Variants in OR9Q1 observed in about 807,000 individuals in gnomAD.
The protein encoded by OR9Q1 is olfactory receptor 9Q1.
For missense variants in OR9Q1, 374 were observed against 378.8 expected (o/e 0.99, Z 0.11); for synonymous variants, 153 against 148.6 (o/e 1.03, Z -0.22).
intron 2 of OR9Q1, among the ~76,000 whole-genome samples, chr11:58,159,573 A>G (rs995097423): frequency 2.6e-5 from 4 of 152,202 alleles, no homozygotes; most frequent in Non-Finnish European, 5.9e-5. Context: ...CAATTCAGGG[A>G]CTTTGAATTT....
chr11:58,026,884 ATTATT>A (rs1266266531), intron 1 of OR9Q1: 1 of 152,152 alleles, frequency 6.6e-6, no homozygotes, highest in African/African-American at 2.4e-5. Flanking sequence ...ACATTTAAAA[ATTATT>A]TTATTCTTTT....
chr11:58,042,431 G>A (rs1453548429), intron 1 of OR9Q1, among the ~76,000 whole-genome samples: 1 of 151,762 alleles, frequency 6.6e-6, no homozygotes, highest in Non-Finnish European at 1.5e-5. Flanking sequence ...GTTTTTCTCA[G>A]GTTTGTCAAA....
chr11:58,064,191 C>T (rs1853407260), intron 2 of OR9Q1, among the ~76,000 whole-genome samples: 3 of 152,152 alleles, frequency 2.0e-5, no homozygotes, highest in Admixed American at 1.3e-4. Context: ...CACCAACATG[C>T]GCATACACTG....
At chr11:58,119,416 G>T in intron 2 of OR9Q1, 1 of 1,611,658 alleles carries the variant, frequency 6.2e-7, no homozygotes, top group East Asian at 2.2e-5. Context: ...AATGAATTCG[G>T]TTACTCTGGT....
At chr11:58,126,171 A>G (rs892043890) in intron 2 of OR9Q1, among the ~76,000 whole-genome samples, 1 of 151,342 alleles carries the variant, frequency 6.6e-6, no homozygotes, top group African/African-American at 2.4e-5. Context: ...CTCTCTAACC[A>G]CTCCAGCTCT....
intron 2 of OR9Q1, among the ~76,000 whole-genome samples, chr11:58,139,283 G>GT (rs11350123): frequency 0.19 from 27,420 of 147,790 alleles, 2,637 homozygotes; most frequent in African/African-American, 0.21. Flanking sequence ...ATGTGCAGCT[G>GT]TTTTTTTTTT....
rs141892648 is a variant in OR9Q1 at position 58,027,458 on chromosome 11, C to T, written c.-93+3354C>T. On this transcript the variant is annotated intron_variant, in intron 1 of 2. Transcript: ENST00000335397. ...GACCATGAGCTAAGAAAGGGTTTTA[C>T]GTTTTAAAGAGTTGCAAAAACAAAC... 3.4e-3 allele frequency among the ~76,000 whole-genome samples: 518 copies of T among 152,236 alleles called. 2 individuals carry two copies. Among genetic ancestry groups the T allele is most frequent in the Non-Finnish European group, 3.4e-3 (233 of 68,016 alleles).
At chr11:58,090,179 C>T (rs909403764) in intron 2 of OR9Q1, among the ~76,000 whole-genome samples, 1 of 152,130 alleles carries the variant, frequency 6.6e-6, no homozygotes, top group African/African-American at 2.4e-5. Flanking sequence ...ACTTTCAATA[C>T]TATGTTGAAT....
chr11:58,148,865 G>A (rs1006756713), intron 2 of OR9Q1, among the ~76,000 whole-genome samples: 2 of 152,178 alleles, frequency 1.3e-5, no homozygotes, highest in Admixed American at 6.6e-5. Context: ...GCGGATCTGC[G>A]AAGTTGCTTG....
At position 58,030,303 on chromosome 11, in the gene OR9Q1, C is replaced by T. The variant is rs188689605; in HGVS notation, c.-93+6199C>T. Among the ~76,000 whole-genome samples, 247 of 152,258 alleles carry T rather than the reference C, an allele frequency of 1.6e-3. 2 individuals carry two copies. Among genetic ancestry groups the T allele is most frequent in the African/African-American group, 5.7e-3 (236 of 41,546 alleles). ...TTGGTTGCTAGCCCTTCATGGTGTC[C>T]CAGCCTACTCCTCAGGCTCAGAAAC... On this transcript the variant is annotated intron_variant, in intron 1 of 2. Transcript: ENST00000335397.
intron 1 of OR9Q1, among the ~76,000 whole-genome samples, chr11:58,032,146 T>C (rs759663916): frequency 1.4e-4 from 22 of 152,092 alleles, no homozygotes; most frequent in Non-Finnish European, 2.8e-4. Flanking sequence ...TGCTCACAGA[T>C]TGGAAGAATC....
chr11:58,083,891 G>C (rs1590579238), intron 2 of OR9Q1, among the ~76,000 whole-genome samples: 2 of 151,912 alleles, frequency 1.3e-5, no homozygotes, highest in South Asian at 4.1e-4. Context: ...GTTGGGTAGT[G>C]TTATGTCTCC....
chr11:58,092,507 A>G (rs1432381481), intron 2 of OR9Q1, among the ~76,000 whole-genome samples: 1 of 152,098 alleles, frequency 6.6e-6, no homozygotes, highest in East Asian at 1.9e-4. Flanking sequence ...CAACTATTTT[A>G]TTTTAATTCA....
At position 58,065,141 on chromosome 11, in the gene OR9Q1, T is replaced by G. The variant is rs943897110; in HGVS notation, c.-15+9194T>G. Among the ~76,000 whole-genome samples, 4 of 152,040 alleles carry G rather than the reference T, an allele frequency of 2.6e-5. No individual in the cohort carries two copies. In the East Asian group the frequency reaches 7.7e-4, roughly 29 times the overall value. ...GGGGCTATGGAGTGGACGGGACACG[T>G]AAACAGGAAGACACATGGACTGGGA... On this transcript the variant is annotated intron_variant, in intron 2 of 2. Transcript: ENST00000335397.
intron 2 of OR9Q1, among the ~76,000 whole-genome samples, chr11:58,083,833 C>G (rs887853480): frequency 2.0e-5 from 3 of 151,858 alleles, no homozygotes; most frequent in Admixed American, 1.3e-4. Context: ...TGGTTTTGTA[C>G]CAGTACCATG....
At chr11:58,036,294 C>A (rs140270777) in intron 1 of OR9Q1, among the ~76,000 whole-genome samples, 70 of 152,316 alleles carry the variant, frequency 4.6e-4, no homozygotes, top group African/African-American at 1.6e-3. Flanking sequence ...ACTATTGAGA[C>A]CTACTGCTCG....
chr11:58,130,102 C>T (rs924245459), intron 2 of OR9Q1, among the ~76,000 whole-genome samples: 2 of 152,098 alleles, frequency 1.3e-5, no homozygotes, highest in African/African-American at 2.4e-5. Flanking sequence ...TTCACTGCTG[C>T]ATCTGTAGGG....
intron 2 of OR9Q1, among the ~76,000 whole-genome samples, chr11:58,142,812 A>G (rs542600193): frequency 2.6e-5 from 4 of 152,256 alleles, no homozygotes; most frequent in Non-Finnish European, 5.9e-5. Context: ...TTGTCTGTTA[A>G]TGAGTTTTGC....
chr11:58,157,294 C>T (rs1378628890), intron 2 of OR9Q1, among the ~76,000 whole-genome samples: 1 of 152,196 alleles, frequency 6.6e-6, no homozygotes, highest in Non-Finnish European at 1.5e-5. Context: ...GTAATCCTCC[C>T]AGGCCTTCCC....
Sources: allele counts gnomAD v4.1 joint callset (sites outside exome capture counted in the v4.1 genomes callset), GRCh38; gene constraint gnomAD v4.1.1; transcripts MANE v1.5; gene names NCBI Gene and HGNC (gene_info 2026-07-23, HGNC 2026-07-21).